Variants in TMEM132B observed in about 807,000 individuals in gnomAD.
TMEM132B encodes the protein transmembrane protein 132B.
In TMEM132B, 18 loss-of-function variants were observed where a neutral mutation model predicts 90.8. That is an observed-to-expected ratio of 0.20 (90% CI 0.14 to 0.29). The LOEUF is 0.29. TMEM132B is among the 10% of genes least tolerant of loss of function. TMEM132B has a pLI of 1.00. For synonymous variants in TMEM132B, 504 were observed against 523.3 expected (o/e 0.96, Z 0.50); for missense variants, 1,096 against 1,326.8 (o/e 0.83, Z 2.70).
At chr12:125,281,639 T>C (rs551064167) in intron 1 of TMEM132B, among the ~76,000 whole-genome samples, 2 of 152,286 alleles carry the variant, frequency 1.3e-5, no homozygotes, top group East Asian at 1.9e-4. Flanking sequence ...AATGTCCCTC[T>C]ACTCCCCTCC....
Position 125,326,548 on chromosome 12 carries a change from G to A in TMEM132B, c.68-22904G>A, listed in dbSNP as rs971007689. 4 of 1,503,794 alleles carry A rather than the reference G, an allele frequency of 2.7e-6. No individual in the cohort carries two copies. In the Admixed American group the frequency reaches 7.9e-5, roughly 30 times the overall value. The allele number at this position is 1,503,794 out of a possible 1,614,324, so 93.2% of individuals were successfully genotyped here. On this transcript the variant is annotated intron_variant, in intron 1 of 8. Transcript: ENST00000682704. Reference sequence around the variant, plus strand: ...TTAATGCTGTTTGATGGGGGGAGGTGGGAATTAGGAACTGGGGGGTGTTGA... The same window carrying A: ...TTAATGCTGTTTGATGGGGGGAGGTAGGAATTAGGAACTGGGGGGTGTTGA...
At chr12:125,638,818 A>G (rs1049065446) in intron 5 of TMEM132B, among the ~76,000 whole-genome samples, 2 of 152,218 alleles carry the variant, frequency 1.3e-5, no homozygotes, top group South Asian at 2.1e-4. Context: ...CAAAGGAAAC[A>G]TATTCACATC....
At chr12:125,650,344 G>T (rs1827070468) in intron 6 of TMEM132B, among the ~76,000 whole-genome samples, 1 of 152,168 alleles carries the variant, frequency 6.6e-6, no homozygotes, top group African/African-American at 2.4e-5. Context: ...CCAAACAGCA[G>T]TTCTGACTCA....
At chr12:125,417,041 A>G (rs988863920) in intron 3 of TMEM132B, among the ~76,000 whole-genome samples, 1 of 152,184 alleles carries the variant, frequency 6.6e-6, no homozygotes, top group Non-Finnish European at 1.5e-5. Context: ...AGATGGTGCC[A>G]TGGATGGTGA....
intron 3 of TMEM132B, among the ~76,000 whole-genome samples, chr12:125,453,303 G>A (rs1881207130): frequency 1.3e-5 from 2 of 151,916 alleles, no homozygotes; most frequent in Admixed American, 6.6e-5. Context: ...TCTCTAATGA[G>A]AAAAATGATG....
Position 125,498,737 on chromosome 12 carries a change from A to G in TMEM132B, c.1107-20702A>G, listed in dbSNP as rs1046258948. On this transcript the variant is annotated intron_variant, in intron 3 of 8. Transcript: ENST00000682704. This position sits in a 1 kb window ranked among gnomAD's most constrained non-coding sequence, Gnocchi z 4.5. ...ATTTACTTTGGGTTACTAGAGTCCC[A>G]TGGGGCTTGTTCTAATGTCCTTACA... Among the ~76,000 whole-genome samples the G allele has an allele frequency of 6.6e-6, 1 of 152,250 alleles. No individual in the cohort carries two copies. The highest frequency in any genetic ancestry group is 1.5e-5 in the Non-Finnish European group (1 of 68,046).
intron 4 of TMEM132B, among the ~76,000 whole-genome samples, chr12:125,555,900 G>A (rs2136776877): frequency 6.6e-6 from 1 of 152,254 alleles, no homozygotes; most frequent in South Asian, 2.1e-4. Context: ...AAATGGATGG[G>A]GGACCCAAGG....
chr12:125,286,494 A>G (rs1417616866), intron 1 of TMEM132B, among the ~76,000 whole-genome samples: 1 of 152,076 alleles, frequency 6.6e-6, no homozygotes, highest in South Asian at 2.1e-4. Context: ...GTGGGAAAAT[A>G]TAATAAAATA....
intron 5 of TMEM132B, among the ~76,000 whole-genome samples, chr12:125,643,521 G>A (rs534178739): frequency 1.3e-5 from 2 of 152,156 alleles, no homozygotes; most frequent in Non-Finnish European, 2.9e-5. Flanking sequence ...TGCCACATTC[G>A]TTCTGCAAAA....
At chr12:125,469,493 A>G (rs1881654585) in intron 3 of TMEM132B, among the ~76,000 whole-genome samples, 1 of 152,148 alleles carries the variant, frequency 6.6e-6, no homozygotes, top group Non-Finnish European at 1.5e-5. Context: ...ATACATGAAC[A>G]TTTGTGTTGT....
intron 3 of TMEM132B, among the ~76,000 whole-genome samples, chr12:125,489,669 C>T (rs1882298062): frequency 6.6e-6 from 1 of 152,158 alleles, no homozygotes; most frequent in Admixed American, 6.5e-5. Context: ...ACCTTAGCCT[C>T]CCAAAGTACT....
chr12:125,404,618 A>G (rs965442437), intron 2 of TMEM132B, among the ~76,000 whole-genome samples: 18 of 152,224 alleles, frequency 1.2e-4, no homozygotes, highest in Admixed American at 9.2e-4. Context: ...TCTTCATAAT[A>G]GCAACACTGT....
chr12:125,546,112 A>G (rs757359461), intron 4 of TMEM132B, among the ~76,000 whole-genome samples: 1 of 152,160 alleles, frequency 6.6e-6, no homozygotes, highest in African/African-American at 2.4e-5. Flanking sequence ...AAGTTCCCAC[A>G]TATATATAAT....
chr12:125,536,716 C>A (rs1459975352), intron 4 of TMEM132B, among the ~76,000 whole-genome samples: 1 of 152,176 alleles, frequency 6.6e-6, no homozygotes, highest in African/African-American at 2.4e-5. Flanking sequence ...TGGGCAAAAC[C>A]TTATATCCAT....
At chr12:125,302,760 C>T (rs1875864324) in intron 1 of TMEM132B, among the ~76,000 whole-genome samples, 2 of 152,192 alleles carry the variant, frequency 1.3e-5, no homozygotes, top group African/African-American at 4.8e-5. Context: ...ACAATCACCT[C>T]TGTCTAGTTC....
At chr12:125,266,377 T>G (rs1874695253) in intron 1 of TMEM132B, among the ~76,000 whole-genome samples, 1 of 152,248 alleles carries the variant, frequency 6.6e-6, no homozygotes, top group African/African-American at 2.4e-5. Flanking sequence ...CTTATGTGAA[T>G]CTATCACTGC....
intron 1 of TMEM132B, among the ~76,000 whole-genome samples, chr12:125,247,146 G>A (rs1422557566): frequency 2.6e-5 from 4 of 152,058 alleles, no homozygotes; most frequent in Non-Finnish European, 4.4e-5. Flanking sequence ...TGACTGTTAC[G>A]CCTTATTTTC....
intron 4 of TMEM132B, among the ~76,000 whole-genome samples, chr12:125,556,108 T>C (rs1884379298): frequency 6.6e-6 from 1 of 152,236 alleles, no homozygotes; most frequent in Admixed American, 6.5e-5. Context: ...ATTCGAGCTG[T>C]CAGAATTGGT....
chr12:125,450,542 GTA>G (rs1881121246), intron 3 of TMEM132B, among the ~76,000 whole-genome samples: 1 of 152,132 alleles, frequency 6.6e-6, no homozygotes, highest in Non-Finnish European at 1.5e-5. Context: ...CTTGTGTACA[GTA>G]AGATACTGAG....
Sources: gnomAD v4.1 joint callset for allele counts (sites outside exome capture counted in the v4.1 genomes callset) on GRCh38, gnomAD v4.1.1 for gene constraint, Gnocchi (gnomAD v3.1) non-coding constraint, MANE v1.5 for transcripts, NCBI Gene and HGNC (gene_info 2026-07-23, HGNC 2026-07-21) for gene names.